The following RBP7 variants were observed in gnomAD, a reference collection of about 807,000 sequenced individuals.
The protein encoded by RBP7 is retinol binding protein 7, also known as retinoid-binding protein 7.
Under a neutral mutation model 16.7 loss-of-function variants are expected in RBP7, and 13 were observed. The ratio of observed to expected loss-of-function variants is 0.78; its 90% CI spans 0.51 to 1.24. The LOEUF (loss-of-function observed/expected upper bound fraction) is 1.24. Ranked by LOEUF, RBP7 falls within the 50% of genes most tolerant of loss-of-function variation. The probability of loss-of-function intolerance (pLI) is 0.00; values close to 1 mark genes in which losing one functional copy is unlikely to be tolerated. For missense variants in RBP7, 145 were observed against 159.5 expected, an observed-to-expected ratio of 0.91 and a Z score of 0.49; for synonymous variants, 54 against 56.2, an observed-to-expected ratio of 0.96 and a Z score of 0.17.
intron 3 of RBP7, among the ~76,000 whole-genome samples, chr1:10,009,869 T>A (rs1227334750): frequency 2.0e-5 from 3 of 152,100 alleles, no homozygotes; most frequent in Non-Finnish European, 4.4e-5. Context: ...AGTTTTTCTT[T>A]TCCTTTCTTT....
Position 10,007,583 on chromosome 1 carries a change from C to T in RBP7, c.87C>T (p.Ala29=). 6.2e-7 allele frequency: 1 copy of T among 1,606,202 alleles called. No homozygotes were observed. The highest frequency in any genetic ancestry group is 1.1e-5 in the South Asian group (1 of 89,114). The change falls in exon 2 of 4, where the codon GCC becomes GCT. Residue 29 remains alanine (A), a synonymous_variant. Transcript: ENST00000294435. ...ATTATTTTTAAGGTATTGACTTTGCCACTCGTAAAATAGCCAAGTTGCTGA... is the reference window on the plus strand; with the variant it reads ...ATTATTTTTAAGGTATTGACTTTGCTACTCGTAAAATAGCCAAGTTGCTGA... ...GYMLALGIDF[A]TRKIAKLLKP... is the part of the protein sequence containing the mutation.
Position 9,997,944 on chromosome 1 carries a change from C to G in RBP7, c.73+613C>G, listed in dbSNP as rs1274095484. On this transcript the variant is annotated intron_variant, in intron 1 of 3. Transcript: ENST00000294435. The surrounding 1 kb of genome is among the most constrained non-coding windows in gnomAD (Gnocchi z 5.9). ...GTGCAGAGCCTGGTTCGGCCCGGGGCGTGCCCCGACCGCCGCCTCCCACGA... is the reference window on the plus strand; with the variant it reads ...GTGCAGAGCCTGGTTCGGCCCGGGGGGTGCCCCGACCGCCGCCTCCCACGA... Among the ~76,000 whole-genome samples the G allele has an allele frequency of 6.6e-6, 1 of 152,114 alleles. No homozygotes were observed. The highest frequency in any genetic ancestry group is 1.5e-5 in the Non-Finnish European group (1 of 68,000).
chr1:10,005,085 T>C (rs548571234), intron 1 of RBP7, among the ~76,000 whole-genome samples: 2 of 152,314 alleles, frequency 1.3e-5, no homozygotes, highest in Non-Finnish European at 2.9e-5. Context: ...GCCTGGATCA[T>C]ATTGCATCTC....
rs748811698 is a variant in RBP7, at chr1:10,008,281, A to G, written c.354+7A>G. 6.4e-7 allele frequency: 1 copy of G among 1,573,152 alleles called. No individual in the cohort carries two copies. Among genetic ancestry groups the G allele is most frequent in the Non-Finnish European group, 8.7e-7 (1 of 1,143,416 alleles). ...AGGAGACAAACTCCACCTGGTATCCACCACATTTTGTTCTTAATGAGATGA... is the reference window on the plus strand; with the variant it reads ...AGGAGACAAACTCCACCTGGTATCCGCCACATTTTGTTCTTAATGAGATGA... On this transcript the variant is annotated splice_region_variant and intron_variant, in intron 3 of 3. Coordinates refer to ENST00000294435, the MANE Select transcript of RBP7 (RefSeq NM_052960.3).
intron 1 of RBP7, among the ~76,000 whole-genome samples, chr1:10,006,742 T>C (rs949115636): frequency 8.5e-5 from 12 of 142,008 alleles, no homozygotes; most frequent in Non-Finnish European, 1.6e-4. Flanking sequence ...TGTGTGTGTG[T>C]GTGTGTGTGT....
intron 3 of RBP7, among the ~76,000 whole-genome samples, chr1:10,010,803 T>C (rs1444161929): frequency 3.0e-5 from 4 of 135,590 alleles, no homozygotes; most frequent in Non-Finnish European, 6.0e-5. Context: ...AGGCTGGGCT[T>C]GAACTCCCGA....
rs1385703532 is a variant in RBP7 at position 10,009,840 on chromosome 1, C to A, written c.354+1566C>A. Among the ~76,000 whole-genome samples the A allele has an allele frequency of 3.3e-5, 5 of 152,132 alleles. No individual in the cohort carries two copies. The South Asian group carries it at 6.2e-4, about 19-fold the overall frequency. ...GCCGCTTGTAATAAAAATTTAATTT[C>A]TTGGAATGTAATTCTTGGAGTTTTT... On this transcript the variant is annotated intron_variant, in intron 3 of 3. Transcript: ENST00000294435.
chr1:10,008,941 C>T (rs1642529378), intron 3 of RBP7, among the ~76,000 whole-genome samples: 1 of 152,120 alleles, frequency 6.6e-6, no homozygotes, highest in Non-Finnish European at 1.5e-5. Flanking sequence ...GATATAGTAG[C>T]TCACATCTTT....
chr1:9,997,522 C>A lies in RBP7; in HGVS notation c.73+191C>A, dbSNP rs984002954. On this transcript the variant is annotated intron_variant, in intron 1 of 3. Coordinates refer to ENST00000294435, the MANE Select transcript of RBP7 (RefSeq NM_052960.3). This position sits in a 1 kb window ranked among gnomAD's most constrained non-coding sequence, Gnocchi z 5.9. ...GTCCATCGGGCGCGGGACCCCAGTC[C>A]TTCAGTCCCCCAGTCCGTCCTTTCC... is the stretch of plus-strand genomic sequence containing the variant. 1.3e-5 allele frequency among the ~76,000 whole-genome samples: 2 copies of A among 151,958 alleles called. No homozygotes were observed. The highest frequency in any genetic ancestry group is 2.9e-5 in the Non-Finnish European group (2 of 67,966).
chr1:10,002,411 A>G (rs1027225922), intron 1 of RBP7, among the ~76,000 whole-genome samples: 14 of 152,010 alleles, frequency 9.2e-5, no homozygotes, highest in African/African-American at 2.9e-4. Flanking sequence ...TATGAGGAAT[A>G]TGGCCTTTTG....
intron 3 of RBP7, among the ~76,000 whole-genome samples, chr1:10,014,403 T>G (rs1642716108): frequency 6.6e-6 from 1 of 151,350 alleles, no homozygotes; most frequent in African/African-American, 2.4e-5. Context: ...TTTTTTTTTT[T>G]GAGATGGAGT....
rs187906278 is a variant in RBP7 at position 10,013,575 on chromosome 1, G to A, written c.355-2207G>A. ...TGTAATCCCAGAATTTTGGAAGGTC[G>A]GGGCAGGTGGATCATCTGACGTTAG... On this transcript the variant is annotated intron_variant, in intron 3 of 3. Transcript: ENST00000294435. 7.2e-5 allele frequency among the ~76,000 whole-genome samples: 11 copies of A among 152,076 alleles called. No homozygotes were observed. The East Asian group carries it at 1.9e-3, about 27-fold the overall frequency.
In RBP7 at chr1:10,007,672, G is replaced by A. The variant is rs548874480; in HGVS notation, c.176G>A (p.Arg59Lys). 38 of 1,614,000 alleles carry A rather than the reference G, an allele frequency of 2.4e-5. No individual in the cohort carries two copies. In the South Asian group the frequency reaches 4.0e-4, roughly 17 times the overall value. The change falls in exon 2 of 4, where the codon AGG (arginine) becomes AAG (lysine). Residue 59 changes from arginine (R) to lysine (K), a missense_variant. Transcript: ENST00000294435. ...ACCATCCACACGAACAGCAGCCTAA[G>A]GAACTACTTTGTGAAATTTAAAGTT... ...SFTIHTNSSL[R>K]NYFVKFKVGE...
At chr1:10,011,366 T>A (rs1642612784) in intron 3 of RBP7, among the ~76,000 whole-genome samples, 1 of 152,140 alleles carries the variant, frequency 6.6e-6, no homozygotes, top group Non-Finnish European at 1.5e-5. Flanking sequence ...TGCCCTTTAG[T>A]TTTTTACAAA....
At chr1:9,998,444 G>A (rs1473076667) in intron 1 of RBP7, among the ~76,000 whole-genome samples, 2 of 120,004 alleles carry the variant, frequency 1.7e-5, no homozygotes, top group African/African-American at 6.8e-5. Context: ...GTCTCGCTCT[G>A]TTGCCCAGGC....
At chr1:10,000,659 A>G (rs1451537834) in intron 1 of RBP7, among the ~76,000 whole-genome samples, 1 of 152,238 alleles carries the variant, frequency 6.6e-6, no homozygotes, top group Non-Finnish European at 1.5e-5. Context: ...AGGAAAATAC[A>G]TTCCATAAAA....
intron 3 of RBP7, among the ~76,000 whole-genome samples, chr1:10,014,917 C>A (rs907806726): frequency 1.3e-5 from 2 of 152,128 alleles, no homozygotes; most frequent in African/African-American, 4.8e-5. Context: ...TCTGTGCTAA[C>A]TCTGGGTAGT....
At chr1:10,005,674 C>T (rs1642421527) in intron 1 of RBP7, among the ~76,000 whole-genome samples, 2 of 151,882 alleles carry the variant, frequency 1.3e-5, no homozygotes, top group African/African-American at 4.8e-5. Flanking sequence ...AGCAATTCTC[C>T]TGCCACAGTC....
intron 1 of RBP7, among the ~76,000 whole-genome samples, chr1:10,006,071 C>T (rs1199169901): frequency 6.6e-6 from 1 of 152,162 alleles, no homozygotes; most frequent in East Asian, 1.9e-4. Context: ...TGAGACGTCA[C>T]CTGGCCATTA....
Sources: gnomAD v4.1 joint callset for allele counts (sites outside exome capture counted in the v4.1 genomes callset) on GRCh38, gnomAD v4.1.1 for gene constraint, Gnocchi (gnomAD v3.1) non-coding constraint, MANE v1.5 for transcripts, NCBI Gene and HGNC (gene_info 2026-07-23, HGNC 2026-07-21) for gene names.